RPS6KA2: variants seen among roughly 807,000 people sequenced by gnomAD.
RPS6KA2 encodes ribosomal protein S6 kinase A2.
In RPS6KA2, 42 loss-of-function variants were observed where a neutral mutation model predicts 91.8. The ratio of observed to expected loss-of-function variants is 0.46; its 90% CI spans 0.36 to 0.59. The LOEUF is 0.59. RPS6KA2 is among the 20% of genes least tolerant of loss of function. The probability of loss-of-function intolerance (pLI) is 0.00; values close to 1 mark genes in which losing one functional copy is unlikely to be tolerated. For missense variants in RPS6KA2, 798 were observed against 978.5 expected, an observed-to-expected ratio of 0.82 and a Z score of 2.46; for synonymous variants, 414 against 393.6, an observed-to-expected ratio of 1.05 and a Z score of -0.61.
intron 3 of RPS6KA2, among the ~76,000 whole-genome samples, chr6:166,511,986 C>T (rs1030483125): frequency 6.6e-6 from 1 of 152,174 alleles, no homozygotes; most frequent in African/African-American, 2.4e-5. Context: ...TGAACGGGTT[C>T]ATCCACCCAT....
chr6:166,583,671 G>T (rs7743191), intron 1 of RPS6KA2, among the ~76,000 whole-genome samples: 1 of 152,090 alleles, frequency 6.6e-6, no homozygotes. Flanking sequence ...TTATTAAAGC[G>T]CCAATGGCCA....
intron 19 of RPS6KA2, among the ~76,000 whole-genome samples, chr6:166,416,295 C>T (rs376741667): frequency 1.3e-3 from 181 of 144,012 alleles, no homozygotes; most frequent in South Asian, 1.7e-3. Flanking sequence ...CTTGCCATCC[C>T]TCCTCCATCA....
At chr6:166,565,912 C>T (rs1302642252) in intron 1 of RPS6KA2, among the ~76,000 whole-genome samples, 5 of 152,208 alleles carry the variant, frequency 3.3e-5, no homozygotes, top group Non-Finnish European at 5.9e-5. Context: ...TGCCAGGCAG[C>T]GACATCACAG....
chr6:166,603,803 C>G lies in RPS6KA2; in HGVS notation c.99+23118G>C, dbSNP rs943274736. Among the ~76,000 whole-genome samples, 3 of 152,184 alleles carry G rather than the reference C, an allele frequency of 2.0e-5. No individual in the cohort carries two copies. Among genetic ancestry groups the G allele is most frequent in the African/African-American group, 7.2e-5 (3 of 41,446 alleles). On this transcript the variant is annotated intron_variant, in intron 1 of 20. Coordinates refer to ENST00000265678, the MANE Select transcript of RPS6KA2 (RefSeq NM_021135.6). This position sits in a 1 kb window ranked among gnomAD's most constrained non-coding sequence, Gnocchi z 4.3. ...GGTGTATCAAATAAATGCCCCCGTA[C>G]TGTTGTTTGCGATAACAAGTCAGGG...
intron 3 of RPS6KA2, among the ~76,000 whole-genome samples, chr6:166,528,626 AC>A (rs1783147941): frequency 6.6e-6 from 1 of 151,726 alleles, no homozygotes; most frequent in East Asian, 1.9e-4. Flanking sequence ...ATCAGAGTCA[AC>A]AGGCAACCTA....
At chr6:166,588,385 G>A (rs1191446803) in intron 1 of RPS6KA2, among the ~76,000 whole-genome samples, 2 of 152,180 alleles carry the variant, frequency 1.3e-5, no homozygotes, top group Non-Finnish European at 2.9e-5. Flanking sequence ...AAAAATGAGG[G>A]GTGGCTGAAC....
chr6:166,428,781 AAAC>A, intron 16 of RPS6KA2, among the ~76,000 whole-genome samples: 2 of 152,344 alleles, frequency 1.3e-5, no homozygotes, highest in East Asian at 3.9e-4. Context: ...AAAAGTTAGG[AAAC>A]AACAGGTGCT....
chr6:166,483,621 G>A (rs1275309300), intron 10 of RPS6KA2, among the ~76,000 whole-genome samples: 2 of 152,130 alleles, frequency 1.3e-5, no homozygotes, highest in Admixed American at 6.5e-5. Context: ...AGGGTAAATC[G>A]CATCCTCACT....
intron 1 of RPS6KA2, among the ~76,000 whole-genome samples, chr6:166,552,559 A>C (rs1174624948): frequency 2.0e-5 from 3 of 152,094 alleles, no homozygotes; most frequent in African/African-American, 7.2e-5. Flanking sequence ...CCCTAGCTTG[A>C]GGTTTGGTAA....
intron 2 of RPS6KA2, among the ~76,000 whole-genome samples, chr6:166,680,829 C>T (rs1431281309): frequency 6.6e-6 from 1 of 152,208 alleles, no homozygotes; most frequent in Admixed American, 6.5e-5. Context: ...AGACCGAGAA[C>T]CCACCAATTC....
At chr6:166,595,539 T>C (rs9366031) in intron 1 of RPS6KA2, among the ~76,000 whole-genome samples, 13,420 of 152,306 alleles carry the variant, frequency 0.088, 720 homozygotes, top group East Asian at 0.27. Flanking sequence ...GAAGCCCTTT[T>C]TCCTCTCTGA....
chr6:166,734,813 A>C (rs1463631659), intron 2 of RPS6KA2, among the ~76,000 whole-genome samples: 1 of 152,156 alleles, frequency 6.6e-6, no homozygotes, highest in Non-Finnish European at 1.5e-5. Flanking sequence ...GGGTACTTAA[A>C]TATTTTATAA....
intron 14 of RPS6KA2, among the ~76,000 whole-genome samples, chr6:166,444,021 TC>T (rs1779601043): frequency 6.6e-6 from 1 of 152,176 alleles, no homozygotes; most frequent in African/African-American, 2.4e-5. Context: ...ATTTACATAT[TC>T]CCCCACCAAT....
intron 11 of RPS6KA2, among the ~76,000 whole-genome samples, chr6:166,466,732 T>G (rs1352293878): frequency 6.6e-6 from 1 of 152,250 alleles, no homozygotes; most frequent in East Asian, 1.9e-4. Context: ...ATTCATTCAC[T>G]GACTTACTGA....
chr6:166,682,155 C>T (rs1007873120), intron 2 of RPS6KA2, among the ~76,000 whole-genome samples: 1 of 152,294 alleles, frequency 6.6e-6, no homozygotes, highest in East Asian at 1.9e-4. Context: ...GAATAAACTT[C>T]CGCTTGAAAA....
rs368195734 is a variant in RPS6KA2, at chr6:166,855,322, A to C, written c.123+2878T>G. On this transcript the variant is annotated intron_variant, in intron 2 of 21. Coordinates refer to the RPS6KA2 transcript ENST00000503859. ...ACGAAACTGCATTTATACTCCCTAA[A>C]TCTATTAAAAGACGAAGAAGACGAA... 7.3e-5 allele frequency among the ~76,000 whole-genome samples: 11 copies of C among 151,596 alleles called. No individual in the cohort carries two copies. In the East Asian group the frequency reaches 1.4e-3, roughly 19 times the overall value.
At chr6:166,772,253 A>G (rs929198942) in intron 2 of RPS6KA2, among the ~76,000 whole-genome samples, 1 of 94,816 alleles carries the variant, frequency 1.1e-5, no homozygotes, top group African/African-American at 4.2e-5. Flanking sequence ...CCCACCCCCC[A>G]GCCCCCCCAC....
At chr6:166,777,852 G>C (rs1365054511) in intron 2 of RPS6KA2, among the ~76,000 whole-genome samples, 1 of 151,894 alleles carries the variant, frequency 6.6e-6, no homozygotes, top group Non-Finnish European at 1.5e-5. Context: ...AGAGAGAAAA[G>C]AGAAGAAAAA....
At position 166,507,138 on chromosome 6, in the gene RPS6KA2, A is replaced by C. The variant is rs2235268; in HGVS notation, c.459+1065T>G. Among the ~76,000 whole-genome samples the C allele has an allele frequency of 2.6e-5, 4 of 151,690 alleles. No individual in the cohort carries two copies. In the East Asian group the frequency reaches 7.8e-4, roughly 30 times the overall value. The stretch of plus-strand genomic sequence containing the variant: ...CCCAATGTTCAGCCGGCTTAGCAGT[A>C]CCTCCCTCTTCCCTCCCTCTTCCCA... On this transcript the variant is annotated intron_variant, in intron 5 of 20. Transcript: ENST00000265678.
Sources: gnomAD v4.1 joint callset for allele counts (sites outside exome capture counted in the v4.1 genomes callset) on GRCh38, gnomAD v4.1.1 for gene constraint, Gnocchi (gnomAD v3.1) non-coding constraint, MANE v1.5 for transcripts, NCBI Gene and HGNC (gene_info 2026-07-23, HGNC 2026-07-21) for gene names.